Variants in CTNND2 observed in about 807,000 individuals in gnomAD.
CTNND2 encodes catenin delta 2, also known as catenin delta-2.
A neutral mutation model predicts 144.4 loss-of-function variants in CTNND2; 22 were observed. That is an observed-to-expected ratio of 0.15 (90% CI 0.11 to 0.22). The LOEUF is 0.22. Among genes scored for constraint, CTNND2 ranks in the 10% least tolerant of loss-of-function variants. The probability of loss-of-function intolerance (pLI) is 1.00; values close to 1 mark genes in which losing one functional copy is unlikely to be tolerated. For missense variants in CTNND2, 1,353 were observed against 1,618.8 expected (o/e 0.84, Z 2.82); for synonymous variants, 751 against 695.6 (o/e 1.08, Z -1.25).
At chr5:11,232,964 A>G (rs1487321665) in intron 10 of CTNND2, among the ~76,000 whole-genome samples, 1 of 152,128 alleles carries the variant, frequency 6.6e-6, no homozygotes, top group African/African-American at 2.4e-5. Context: ...TGATGGTTTT[A>G]TAAGTGTCTG....
At position 11,447,023 on chromosome 5, in the gene CTNND2, C is replaced by T. The variant is rs926280444; in HGVS notation, c.288-34954G>A. ...CATACACACACACACACATACATAT[C>T]TCTGGAGGGTTCTTTAACCCCCTTC... On this transcript the variant is annotated intron_variant, in intron 3 of 21. Coordinates refer to ENST00000304623, the MANE Select transcript of CTNND2 (RefSeq NM_001332.4). 1.6e-4 allele frequency among the ~76,000 whole-genome samples: 24 copies of T among 152,078 alleles called. 1 individual carries two copies. The highest frequency in any genetic ancestry group is 1.1e-3 in the Admixed American group (17 of 15,286).
At chr5:11,257,791 A>G (rs373618505) in intron 9 of CTNND2, among the ~76,000 whole-genome samples, 1 of 152,326 alleles carries the variant, frequency 6.6e-6, no homozygotes, top group East Asian at 1.9e-4. Flanking sequence ...TCAGTGTCCC[A>G]TGAACCTTGC....
At chr5:11,404,998 C>T (rs529863872) in intron 5 of CTNND2, among the ~76,000 whole-genome samples, 7 of 152,268 alleles carry the variant, frequency 4.6e-5, no homozygotes, top group East Asian at 1.9e-4. Context: ...CTCTGCCTCG[C>T]GGGGAAAAGT....
chr5:11,873,404 T>G (rs1327128026), intron 1 of CTNND2, among the ~76,000 whole-genome samples: 1 of 152,200 alleles, frequency 6.6e-6, no homozygotes, highest in Non-Finnish European at 1.5e-5. Context: ...ACAGCAGATC[T>G]GCTCCCAAAC....
At chr5:11,483,985 A>G in intron 3 of CTNND2, among the ~76,000 whole-genome samples, 1 of 152,200 alleles carries the variant, frequency 6.6e-6, no homozygotes, top group East Asian at 1.9e-4. Flanking sequence ...ATAGTCATAG[A>G]TATTAGAATC....
intron 9 of CTNND2, among the ~76,000 whole-genome samples, chr5:11,291,713 T>C (rs1359599343): frequency 2.0e-5 from 3 of 152,176 alleles, no homozygotes; most frequent in African/African-American, 4.8e-5. Flanking sequence ...TCTAGCTTTA[T>C]GACTTAGCTC....
In CTNND2 at chr5:11,613,423, G is replaced by C. The variant is rs531651065; in HGVS notation, c.175-48367C>G. 3.3e-5 allele frequency among the ~76,000 whole-genome samples: 5 copies of C among 152,220 alleles called. No homozygotes were observed. In the South Asian group the frequency reaches 1.0e-3, roughly 32 times the overall value. On this transcript the variant is annotated intron_variant, in intron 2 of 21. Coordinates refer to ENST00000304623, the MANE Select transcript of CTNND2 (RefSeq NM_001332.4). ...CAAACCCTGATGCTTCCTTCAAAATGATAAGAGAAAAATGTCACAAGAACC... is the reference window on the plus strand; with the variant it reads ...CAAACCCTGATGCTTCCTTCAAAATCATAAGAGAAAAATGTCACAAGAACC...
Position 11,707,674 on chromosome 5 carries a change from C to T in CTNND2, c.174+24462G>A, listed in dbSNP as rs113684414. ...ATTTTCAACTATTTTTTAGAGTAAA[C>T]CAAAATATAAGTAAAAATTGTAATT... On this transcript the variant is annotated intron_variant, in intron 2 of 21. Transcript: ENST00000304623. Among the ~76,000 whole-genome samples, 214 of 152,166 alleles carry T rather than the reference C, an allele frequency of 1.4e-3. 1 individual carries two copies. The highest frequency in any genetic ancestry group is 1.2e-3 in the Non-Finnish European group (81 of 68,000).
At position 11,441,079 on chromosome 5, in the gene CTNND2, T is replaced by C. The variant is rs968750490; in HGVS notation, c.288-29010A>G. Among the ~76,000 whole-genome samples, 6 of 152,282 alleles carry C rather than the reference T, an allele frequency of 3.9e-5. No homozygotes were observed. In the East Asian group the frequency reaches 1.2e-3, roughly 29 times the overall value. ...GAAAACATAATGTATTATCATTACATTGATTTTTTTTAAAGAATGATAGTT... is the reference window on the plus strand; with the variant it reads ...GAAAACATAATGTATTATCATTACACTGATTTTTTTTAAAGAATGATAGTT... On this transcript the variant is annotated intron_variant, in intron 3 of 21. Coordinates refer to ENST00000304623, the MANE Select transcript of CTNND2 (RefSeq NM_001332.4).
rs560740076 is a variant in CTNND2 at position 11,757,316 on chromosome 5, C to T, written c.38-25044G>A. Among the ~76,000 whole-genome samples the T allele has an allele frequency of 3.8e-4, 57 of 151,668 alleles. No individual in the cohort carries two copies. In the South Asian group the frequency reaches 6.9e-3, roughly 18 times the overall value. The stretch of plus-strand genomic sequence containing the variant: ...ATTTATCATGTTGTTTAAATCTGTA[C>T]GCAGCTATCCCACTGTATTGATGTA... On this transcript the variant is annotated intron_variant, in intron 1 of 21. Transcript: ENST00000304623.
chr5:11,018,125 T>G, intron 17 of CTNND2, 67 bp from the exon 18 acceptor site: 3 of 1,099,310 alleles, frequency 2.7e-6, no homozygotes, highest in Non-Finnish European at 4.2e-6. Context: ...CTGTAATTCT[T>G]GTAGTATTTC....
chr5:11,482,941 T>C (rs77695105), intron 3 of CTNND2, among the ~76,000 whole-genome samples: 2,412 of 151,910 alleles, frequency 0.016, 61 homozygotes, highest in African/African-American at 0.056. Context: ...GAAGACGGCA[T>C]GTGTGGAGCC....
intron 1 of CTNND2, among the ~76,000 whole-genome samples, chr5:11,831,241 A>AG (rs1793883160): frequency 7.3e-6 from 1 of 137,280 alleles, no homozygotes; most frequent in African/African-American, 3.4e-5. Flanking sequence ...TAGTATTAAC[A>AG]GAAAAAAAAA....
At chr5:11,620,006 T>G (rs1561627244) in intron 2 of CTNND2, among the ~76,000 whole-genome samples, 1 of 152,196 alleles carries the variant, frequency 6.6e-6, no homozygotes, top group Non-Finnish European at 1.5e-5. Flanking sequence ...GAAATGCATT[T>G]CAATATCAAC....
intron 18 of CTNND2, among the ~76,000 whole-genome samples, chr5:11,014,136 T>C (rs977748862): frequency 1.3e-5 from 2 of 152,180 alleles, no homozygotes; most frequent in Non-Finnish European, 2.9e-5. Context: ...TTCTTGGAGA[T>C]GTTGTGCAGA....
intron 2 of CTNND2, among the ~76,000 whole-genome samples, chr5:11,600,518 C>T (rs1779731452): frequency 1.3e-5 from 2 of 151,684 alleles, no homozygotes; most frequent in African/African-American, 4.8e-5. Context: ...CCAGTTTGAC[C>T]AACATAGTGA....
intron 11 of CTNND2, among the ~76,000 whole-genome samples, chr5:11,176,480 G>C (rs1186656478): frequency 3.9e-5 from 6 of 152,066 alleles, no homozygotes; most frequent in Non-Finnish European, 4.4e-5. Context: ...GCTAGTCTAA[G>C]GATGCAAAGC....
At chr5:11,742,988 A>T (rs1032209852) in intron 1 of CTNND2, among the ~76,000 whole-genome samples, 1 of 152,220 alleles carries the variant, frequency 6.6e-6, no homozygotes, top group African/African-American at 2.4e-5. Context: ...ATTCTCACTC[A>T]GAAGTGCTCT....
chr5:11,614,478 C>T (rs555675412), intron 2 of CTNND2, among the ~76,000 whole-genome samples: 13 of 152,156 alleles, frequency 8.5e-5, no homozygotes, highest in African/African-American at 2.7e-4. Context: ...ATTAGACAAC[C>T]ATTTTGGAAA....
Sources: allele counts gnomAD v4.1 joint callset (sites outside exome capture counted in the v4.1 genomes callset), GRCh38; gene constraint gnomAD v4.1.1; transcripts MANE v1.5; gene names NCBI Gene and HGNC (gene_info 2026-07-23, HGNC 2026-07-21).